Variants in FAM114A2 observed in about 807,000 individuals in gnomAD.
FAM114A2 encodes protein FAM114A2.
FAM114A2 carries 53 observed loss-of-function variants against 58.4 expected under a neutral mutation model. The ratio of observed to expected loss-of-function variants is 0.91; its 90% CI spans 0.73 to 1.14. FAM114A2 has a LOEUF of 1.14. FAM114A2 is among the 50% of genes most tolerant of loss of function. FAM114A2 has a pLI of 0.00. For synonymous variants in FAM114A2, 228 were observed against 211.4 expected (o/e 1.08, Z -0.68); for missense variants, 601 against 581.1 (o/e 1.03, Z -0.35).
intron 4 of FAM114A2, among the ~76,000 whole-genome samples, chr5:154,030,796 C>A (rs901030649): frequency 6.6e-6 from 1 of 152,328 alleles, no homozygotes; most frequent in African/African-American, 2.4e-5. Context: ...TGGGAGGCTC[C>A]ATAAGTCTGT....
In FAM114A2 at chr5:154,027,273, G is replaced by A. The variant is rs1771851891; in HGVS notation, c.692C>T (p.Thr231Ile). ...TAGCCCATAATGAGTTTTCTTGTCTGTTTCCACGGTAACCTCATTGGAGGT... is the reference window on the plus strand; with the variant it reads ...TAGCCCATAATGAGTTTTCTTGTCTATTTCCACGGTAACCTCATTGGAGGT... ...IRTSNEVTVETDKKTHYGLLF... is the reference protein window; with the variant it reads ...IRTSNEVTVEIDKKTHYGLLF... The change falls in exon 7 of 14, where the codon ACA becomes ATA. Residue 231 changes from threonine to isoleucine, a missense_variant. Coordinates refer to ENST00000351797, the MANE Select transcript of FAM114A2 (RefSeq NM_018691.4). 6.2e-7 allele frequency: 1 copy of A among 1,613,386 alleles called. No individual in the cohort carries two copies. Among genetic ancestry groups the A allele is most frequent in the African/African-American group, 1.3e-5 (1 of 74,860 alleles).
intron 4 of FAM114A2, among the ~76,000 whole-genome samples, chr5:154,031,753 A>G (rs918295534): frequency 6.6e-6 from 1 of 152,146 alleles, no homozygotes; most frequent in African/African-American, 2.4e-5. Context: ...TATTCTCCCA[A>G]TCTCCCTTCT....
intron 8 of FAM114A2, among the ~76,000 whole-genome samples, chr5:154,014,151 C>A (rs1307314538): frequency 6.6e-6 from 1 of 152,192 alleles, no homozygotes; most frequent in Non-Finnish European, 1.5e-5. Context: ...GTTTTCCAAT[C>A]AGGACAAGTA....
At chr5:154,009,001 G>A (rs1359501179) in intron 9 of FAM114A2, among the ~76,000 whole-genome samples, 6 of 152,150 alleles carry the variant, frequency 3.9e-5, no homozygotes, top group Non-Finnish European at 8.8e-5. Flanking sequence ...AGGTGTACAC[G>A]TGCACATATG....
intron 9 of FAM114A2, among the ~76,000 whole-genome samples, chr5:154,007,686 T>A (rs796118119): frequency 6.6e-6 from 1 of 152,236 alleles, no homozygotes; most frequent in Non-Finnish European, 1.5e-5. Flanking sequence ...ATTATTTCCC[T>A]AGCACCTAGC....
intron 8 of FAM114A2, among the ~76,000 whole-genome samples, chr5:154,015,100 C>T (rs1770949181): frequency 6.6e-6 from 1 of 152,114 alleles, no homozygotes; most frequent in South Asian, 2.1e-4. Context: ...ACTCCATTGA[C>T]CTGGACCTCA....
At chr5:154,015,118 T>TC (rs1770951856) in intron 8 of FAM114A2, among the ~76,000 whole-genome samples, 1 of 151,822 alleles carries the variant, frequency 6.6e-6, no homozygotes, top group African/African-American at 2.4e-5. Flanking sequence ...TCATCCCCAT[T>TC]CCCCACAGCA....
chr5:154,028,027 C>T (rs562166107), intron 6 of FAM114A2, 122 bp downstream of exon 6: 32 of 848,330 alleles, frequency 3.8e-5, no homozygotes, highest in East Asian at 1.0e-4. Context: ...CCCAAAAAAA[C>T]GCCTGAATAA....
chr5:154,005,063 T>C (rs1342809403), intron 9 of FAM114A2, among the ~76,000 whole-genome samples: 1 of 152,208 alleles, frequency 6.6e-6, no homozygotes, highest in Non-Finnish European at 1.5e-5. Flanking sequence ...TAACTTAAAT[T>C]CAGAACTTAA....
At position 154,018,817 on chromosome 5, in the gene FAM114A2, T is replaced by C. The variant is rs1771215020; in HGVS notation, c.914-7497A>G. ...ATTAAAAACAAAAATCATACAATCA[T>C]CTCAATCAATGCAGAAAAAGCATTC... On this transcript the variant is annotated intron_variant, in intron 8 of 13. Coordinates refer to ENST00000351797, the MANE Select transcript of FAM114A2 (RefSeq NM_018691.4). 2.0e-5 allele frequency among the ~76,000 whole-genome samples: 3 copies of C among 152,146 alleles called. No individual in the cohort carries two copies. In the South Asian group the frequency reaches 6.2e-4, roughly 32 times the overall value.
chr5:154,001,021 T>C (rs2113220200), intron 11 of FAM114A2, among the ~76,000 whole-genome samples: 1 of 152,340 alleles, frequency 6.6e-6, no homozygotes, highest in South Asian at 2.1e-4. Context: ...TTAGTCCATC[T>C]TTAATAATAG....
chr5:153,998,951 C>T (rs1769774723), intron 11 of FAM114A2, among the ~76,000 whole-genome samples: 1 of 152,128 alleles, frequency 6.6e-6, no homozygotes, highest in Non-Finnish European at 1.5e-5. Context: ...AAAACATATG[C>T]TGAGGCAGCT....
intron 11 of FAM114A2, among the ~76,000 whole-genome samples, chr5:154,001,819 A>C (rs1769997014): frequency 6.6e-6 from 1 of 152,216 alleles, no homozygotes. Flanking sequence ...TCCAGTTTGC[A>C]TTTCCTCATG....
chr5:154,002,349 A>C lies in FAM114A2; in HGVS notation c.1158T>G (p.Thr386=). The C allele has an allele frequency of 6.2e-7, 1 of 1,614,048 alleles. No individual in the cohort carries two copies. The highest frequency in any genetic ancestry group is 1.1e-5 in the South Asian group (1 of 91,078). The change falls in exon 11 of 14, where the codon ACT becomes ACG. Residue 386 remains threonine, a synonymous_variant. Transcript: ENST00000351797. ...AFAIRSLAEL[T]ACSIELFHKT... is the part of the protein sequence containing the mutation. ...TGTGGAATAGTTCAATTGAGCAGGC[A>C]GTCAGTTCAGCCAGGCTCCGGATTG...
chr5:154,037,674 T>C (rs1772672240), intron 1 of FAM114A2, among the ~76,000 whole-genome samples: 1 of 152,148 alleles, frequency 6.6e-6, no homozygotes, highest in Non-Finnish European at 1.5e-5. Context: ...ACATATTACA[T>C]AAATTCATAT....
chr5:154,038,058 C>A (rs549234365), intron 1 of FAM114A2, among the ~76,000 whole-genome samples: 1 of 151,216 alleles, frequency 6.6e-6, no homozygotes, highest in Non-Finnish European at 1.5e-5. Context: ...AAGGAATAAA[C>A]ACCAAGTACG....
intron 11 of FAM114A2, among the ~76,000 whole-genome samples, chr5:153,998,191 T>C (rs1345631629): frequency 6.6e-6 from 1 of 152,216 alleles, no homozygotes; most frequent in African/African-American, 2.4e-5. Context: ...ACCCAGGACA[T>C]GAATCATCCC....
intron 8 of FAM114A2, among the ~76,000 whole-genome samples, chr5:154,024,578 G>C (rs1343635042): frequency 6.6e-6 from 1 of 152,052 alleles, no homozygotes; most frequent in African/African-American, 2.4e-5. Flanking sequence ...TACATAGTTG[G>C]AAAGGGAAGA....
Position 154,029,553 on chromosome 5 carries a change from T to C in FAM114A2, c.431A>G (p.Asn144Ser), listed in dbSNP as rs1283998766. ...AGETNAKENE[N>S]SSPVAGAFGV... is the part of the protein sequence containing the mutation. ...AAATGCCCCAGCCACTGGGGAGGAG[T>C]TTTCATTCTCTTTGGCATTTGTCTC... The change falls in exon 5 of 14, where the codon AAC becomes AGC. Residue 144 changes from asparagine to serine, a missense_variant. Physicochemically the swap from Asn to Ser is conservative, Grantham distance 46. Transcript: ENST00000351797. 1 of 1,605,986 alleles carries C rather than the reference T, an allele frequency of 6.2e-7. No individual in the cohort carries two copies.
Sources: gnomAD v4.1 joint callset for allele counts (sites outside exome capture counted in the v4.1 genomes callset) on GRCh38, gnomAD v4.1.1 for gene constraint, MANE v1.5 for transcripts, NCBI Gene and HGNC (gene_info 2026-07-23, HGNC 2026-07-21) for gene names.